GPHN: variants seen among roughly 807,000 people sequenced by gnomAD.
GPHN encodes the protein gephyrin.
GPHN carries 17 observed loss-of-function variants against 95.5 expected under a neutral mutation model. The ratio of observed to expected loss-of-function variants is 0.18; its 90% confidence interval spans 0.12 to 0.27. GPHN has a LOEUF of 0.27. GPHN is among the 10% of genes least tolerant of loss of function. The pLI is 1.00. For synonymous variants in GPHN, 320 were observed against 322.5 expected (o/e 0.99, Z 0.08); for missense variants, 660 against 978.1 (o/e 0.67, Z 4.34).
At chr14:67,316,925 TA>T in the GPHN span, 64 of 1,587,412 alleles carry the variant, frequency 4.0e-5, no homozygotes, top group East Asian at 1.4e-3. Flanking sequence ...GTATTTGACA[TA>T]AGTAAATGGT....
In GPHN at chr14:66,876,781, A is replaced by C. The variant is rs566991618; in HGVS notation, c.295-3158A>C. On this transcript the variant is annotated intron_variant, in intron 4 of 22. Coordinates refer to ENST00000478722, the MANE Select transcript of GPHN (RefSeq NM_020806.5). Reference sequence around the variant, plus strand: ...GCATACCAACCAAAAAAAGCCCAGAACCAGACAGATTCACAGCTGAATTCT... The same window carrying C: ...GCATACCAACCAAAAAAAGCCCAGACCCAGACAGATTCACAGCTGAATTCT... 1.2e-4 allele frequency among the ~76,000 whole-genome samples: 19 copies of C among 152,262 alleles called. No homozygotes were observed. In the South Asian group the frequency reaches 3.5e-3, roughly 28 times the overall value.
the GPHN span, among the ~76,000 whole-genome samples, chr14:67,453,088 C>T: frequency 6.6e-6 from 1 of 152,228 alleles, no homozygotes; most frequent in Non-Finnish European, 1.5e-5. Context: ...AGTACTGTCA[C>T]AGTGACATGT....
chr14:66,989,436 TAA>T (rs142758010), intron 9 of GPHN, among the ~76,000 whole-genome samples: 1,825 of 152,126 alleles, frequency 0.012, 18 homozygotes, highest in Non-Finnish European at 0.018. Context: ...TGTATGGTAA[TAA>T]GTTAGTAAGA....
the GPHN span, among the ~76,000 whole-genome samples, chr14:67,567,544 C>T: frequency 5.3e-5 from 8 of 152,102 alleles, no homozygotes; most frequent in African/African-American, 9.7e-5. Flanking sequence ...CTGCCCTACA[C>T]GAGCACAGAA....
At chr14:67,198,313 T>G in the GPHN span, 1 of 1,612,906 alleles carries the variant, frequency 6.2e-7, no homozygotes, top group South Asian at 1.1e-5. Flanking sequence ...GAGAGCAATT[T>G]TATCCAGGTA....
intron 1 of GPHN, among the ~76,000 whole-genome samples, chr14:66,553,019 TCGTTG>T (rs2059878312): frequency 1.3e-5 from 2 of 151,030 alleles, no homozygotes; most frequent in Admixed American, 6.6e-5. Context: ...GACAAGAGTT[TCGTTG>T]TTGTTTCCCA....
chr14:66,872,466 C>T (rs1169528639), intron 4 of GPHN, among the ~76,000 whole-genome samples: 1 of 152,098 alleles, frequency 6.6e-6, no homozygotes, highest in East Asian at 1.9e-4. Context: ...GACCATTATA[C>T]AGTAAAATAT....
chr14:67,249,643 G>C, the GPHN span, among the ~76,000 whole-genome samples: 8 of 152,250 alleles, frequency 5.3e-5, no homozygotes, highest in Middle Eastern at 3.4e-3. Flanking sequence ...GTTATCTTTT[G>C]AGTTATGCTT....
At chr14:67,071,123 C>G (rs1480871591) in intron 11 of GPHN, among the ~76,000 whole-genome samples, 1 of 151,178 alleles carries the variant, frequency 6.6e-6, no homozygotes, top group Non-Finnish European at 1.5e-5. Context: ...CCCAGCCATC[C>G]CATTACTGGG....
intron 2 of GPHN, among the ~76,000 whole-genome samples, chr14:66,687,325 A>G (rs2067440445): frequency 1.3e-5 from 2 of 152,026 alleles, no homozygotes; most frequent in South Asian, 2.1e-4. Flanking sequence ...TGCTTTGGCT[A>G]TTCAGGGTCT....
chr14:67,496,355 A>AGT, the GPHN span, among the ~76,000 whole-genome samples: 5 of 135,686 alleles, frequency 3.7e-5, no homozygotes, highest in Non-Finnish European at 6.2e-5. Flanking sequence ...GGCCTCCCAA[A>AGT]GTGCTGGGAT....
chr14:67,639,076 G>A, the GPHN span, among the ~76,000 whole-genome samples: 6 of 152,258 alleles, frequency 3.9e-5, no homozygotes, highest in Non-Finnish European at 7.3e-5. Context: ...TGAGAGCAGA[G>A]TGGTGGCCTG....
chr14:66,582,631 A>G (rs1182318376), intron 1 of GPHN, among the ~76,000 whole-genome samples: 2 of 150,870 alleles, frequency 1.3e-5, no homozygotes, highest in Non-Finnish European at 1.5e-5. Context: ...GAGAACATGC[A>G]GTGTTTGGTT....
At chr14:67,208,069 C>G in the GPHN span, 3 of 1,334,628 alleles carry the variant, frequency 2.2e-6, no homozygotes, top group African/African-American at 4.4e-5. Flanking sequence ...AAGCCTCACT[C>G]CCTCCTTACT....
At chr14:66,772,793 A>G (rs2059229139) in intron 2 of GPHN, among the ~76,000 whole-genome samples, 1 of 152,242 alleles carries the variant, frequency 6.6e-6, no homozygotes, top group African/African-American at 2.4e-5. Context: ...TGTGAAAATG[A>G]AAATAAATTT....
rs28647995 is a variant in GPHN at position 66,822,132 on chromosome 14, A to C, written c.202-2342A>C. Reference sequence around the variant, plus strand: ...GTGCCCGGCCAATTTTTGTATTTTTAGTAGAGACGGCGTTTCACCATCTTG... The same window carrying C: ...GTGCCCGGCCAATTTTTGTATTTTTCGTAGAGACGGCGTTTCACCATCTTG... On this transcript the variant is annotated intron_variant, in intron 3 of 22. Transcript: ENST00000478722. Among the ~76,000 whole-genome samples, 4 of 152,186 alleles carry C rather than the reference A, an allele frequency of 2.6e-5. No homozygotes were observed. In the East Asian group the frequency reaches 5.8e-4, roughly 22 times the overall value.
At chr14:67,505,968 G>A in the GPHN span, among the ~76,000 whole-genome samples, 3 of 152,090 alleles carry the variant, frequency 2.0e-5, no homozygotes, top group Non-Finnish European at 4.4e-5. Flanking sequence ...CCAAAGTGTT[G>A]GGATTACAGG....
intron 10 of GPHN, among the ~76,000 whole-genome samples, chr14:67,034,112 A>G (rs2074309452): frequency 6.6e-6 from 1 of 152,224 alleles, no homozygotes; most frequent in South Asian, 2.1e-4. Context: ...AGACAACAAC[A>G]TGAAAGTTTA....
At chr14:67,200,200 C>T in the GPHN span, 2 of 1,127,796 alleles carry the variant, frequency 1.8e-6, no homozygotes, top group Admixed American at 5.7e-5. Flanking sequence ...TCCACTGATG[C>T]CCCCCATGGA....
Sources: gnomAD v4.1 joint callset for allele counts (sites outside exome capture counted in the v4.1 genomes callset) on GRCh38, gnomAD v4.1.1 for gene constraint, MANE v1.5 for transcripts, NCBI Gene and HGNC (gene_info 2026-07-23, HGNC 2026-07-21) for gene names.